Variants in ADK observed in about 807,000 individuals in gnomAD.
ADK encodes the protein adenosine kinase.
Under a neutral mutation model 44.7 loss-of-function variants are expected in ADK, and 24 were observed. The observed-to-expected ratio is 0.54, with a 90% CI of 0.39 to 0.76. The LOEUF is 0.76. ADK is among the 30% of genes least tolerant of loss of function. ADK has a pLI of 0.00. For missense variants in ADK, 321 were observed against 425.1 expected (o/e 0.76, Z 2.15); for synonymous variants, 128 against 142.6 (o/e 0.90, Z 0.73).
intron 7 of ADK, among the ~76,000 whole-genome samples, chr10:74,583,064 A>G (rs1009623612): frequency 3.9e-5 from 6 of 152,246 alleles, no homozygotes; most frequent in Admixed American, 6.5e-5. Flanking sequence ...TGGTATCATA[A>G]GAAAGTATAT....
intron 6 of ADK, among the ~76,000 whole-genome samples, chr10:74,515,130 T>A (rs1382970328): frequency 3.9e-5 from 6 of 152,344 alleles, no homozygotes; most frequent in Non-Finnish European, 8.8e-5. Context: ...TGGAATAGAT[T>A]TCATAAGAAA....
At position 74,591,930 on chromosome 10, in the gene ADK, G is replaced by A. The variant is rs74376928; in HGVS notation, c.762+2613G>A. Among the ~76,000 whole-genome samples the A allele has an allele frequency of 2.9e-3, 433 of 151,488 alleles. 3 individuals carry two copies. Among genetic ancestry groups the A allele is most frequent in the African/African-American group, 9.9e-3 (410 of 41,270 alleles). ...TGGCTGCTGACAGACCAATCCAAGC[G>A]CCTCTAAAAATAACCAGTGTTTATT... On this transcript the variant is annotated intron_variant, in intron 8 of 10. Coordinates refer to ENST00000539909, the MANE Select transcript of ADK (RefSeq NM_006721.4).
chr10:74,201,810 T>C (rs1265540471), intron 2 of ADK, among the ~76,000 whole-genome samples: 5 of 152,020 alleles, frequency 3.3e-5, no homozygotes, highest in African/African-American at 2.4e-5. Flanking sequence ...ACGGGGGCAC[T>C]ACTATATGGC....
chr10:74,493,604 G>A (rs907381343), intron 6 of ADK, among the ~76,000 whole-genome samples: 5 of 151,458 alleles, frequency 3.3e-5, no homozygotes, highest in Middle Eastern at 3.2e-3. Flanking sequence ...GGTTGGTCTC[G>A]AAATCCTGGG....
chr10:74,223,008 T>C (rs1255793877), intron 2 of ADK, among the ~76,000 whole-genome samples: 1 of 152,122 alleles, frequency 6.6e-6, no homozygotes, highest in Non-Finnish European at 1.5e-5. Context: ...ACTTAAAGTA[T>C]AATAATAAAA....
At chr10:74,616,040 T>C (rs1006712645) in intron 9 of ADK, among the ~76,000 whole-genome samples, 5 of 152,120 alleles carry the variant, frequency 3.3e-5, no homozygotes, top group Admixed American at 1.3e-4. Flanking sequence ...TCATCTTTGA[T>C]TGTATTGTTG....
chr10:74,473,299 G>A (rs2133306624), intron 6 of ADK, among the ~76,000 whole-genome samples: 2 of 152,178 alleles, frequency 1.3e-5, no homozygotes, highest in South Asian at 4.1e-4. Flanking sequence ...TTCTAAGATA[G>A]TAAAAATAAG....
intron 3 of ADK, among the ~76,000 whole-genome samples, chr10:74,274,467 C>T (rs1172110282): frequency 3.3e-5 from 5 of 151,038 alleles, no homozygotes; most frequent in African/African-American, 7.3e-5. Flanking sequence ...GAGGCTGAGG[C>T]GGGAGAATCG....
At chr10:74,423,308 A>G (rs1844636767) in intron 6 of ADK, 1 of 153,774 alleles carries the variant, frequency 6.5e-6, no homozygotes, top group African/African-American at 2.4e-5. Flanking sequence ...TGGAGAAATC[A>G]TGGTGGGCCC....
At chr10:74,578,290 T>A (rs1470184517) in intron 7 of ADK, among the ~76,000 whole-genome samples, 2 of 152,332 alleles carry the variant, frequency 1.3e-5, no homozygotes, top group Middle Eastern at 3.4e-3. Flanking sequence ...TTATAAAAAA[T>A]TGATTATTTA....
chr10:74,371,660 A>G, intron 4 of ADK: 1 of 1,024,668 alleles, frequency 9.8e-7, no homozygotes, highest in South Asian at 1.3e-5. Flanking sequence ...CTATAAGGAA[A>G]AGTGATGGCA....
At chr10:74,371,830 T>C (rs759795546) in intron 4 of ADK, 66 of 1,279,712 alleles carry the variant, frequency 5.2e-5, no homozygotes, top group Non-Finnish European at 7.1e-5. Context: ...GCCACTCCAA[T>C]TGTTGGCCAC....
At chr10:74,338,417 T>A (rs984084725) in intron 4 of ADK, among the ~76,000 whole-genome samples, 21 of 152,304 alleles carry the variant, frequency 1.4e-4, no homozygotes, top group Admixed American at 1.4e-3. Context: ...TTCCTGAGTA[T>A]TTAACATAGA....
intron 3 of ADK, among the ~76,000 whole-genome samples, chr10:74,243,876 A>G (rs1845317756): frequency 6.6e-6 from 1 of 152,176 alleles, no homozygotes; most frequent in South Asian, 2.1e-4. Flanking sequence ...TTTTAAACAT[A>G]AATAAAGACC....
At chr10:74,681,657 A>C (rs35388074) in intron 10 of ADK, among the ~76,000 whole-genome samples, 102,336 of 151,034 alleles carry the variant, frequency 0.68, 34,950 homozygotes, top group Middle Eastern at 0.78. Flanking sequence ...ACCACCGGCC[A>C]ACACAACATG....
chr10:74,273,013 T>C (rs552597181), intron 3 of ADK, among the ~76,000 whole-genome samples: 13 of 152,184 alleles, frequency 8.5e-5, no homozygotes, highest in African/African-American at 2.9e-4. Flanking sequence ...TAATAAGAGA[T>C]GAGAGGATTT....
At chr10:74,605,362 G>C (rs180860467) in intron 9 of ADK, among the ~76,000 whole-genome samples, 1 of 152,100 alleles carries the variant, frequency 6.6e-6, no homozygotes, top group African/African-American at 2.4e-5. Context: ...CCCATTCAGC[G>C]TGATATTGGC....
chr10:74,630,442 CTTAACA>C (rs57077765), intron 9 of ADK, among the ~76,000 whole-genome samples: 28,331 of 151,492 alleles, frequency 0.19, 2,963 homozygotes, highest in African/African-American at 0.27. Context: ...TTTTCTCCTC[CTTAACA>C]TTAACACTTT....
chr10:74,396,909 G>A (rs1337986821), intron 5 of ADK, among the ~76,000 whole-genome samples: 4 of 151,644 alleles, frequency 2.6e-5, no homozygotes, highest in Non-Finnish European at 5.9e-5. Context: ...GAGCCAAGAC[G>A]GAGCCATTGC....
Sources: gnomAD v4.1 joint callset for allele counts (sites outside exome capture counted in the v4.1 genomes callset) on GRCh38, gnomAD v4.1.1 for gene constraint, MANE v1.5 for transcripts, NCBI Gene and HGNC (gene_info 2026-07-23, HGNC 2026-07-21) for gene names.